ATG10: variants seen among roughly 807,000 people sequenced by gnomAD.
The protein encoded by ATG10 is ubiquitin-like-conjugating enzyme ATG10.
Under a neutral mutation model 32.1 loss-of-function variants are expected in ATG10, and 30 were observed. That is an observed-to-expected ratio of 0.94 (90% CI 0.70 to 1.27). The LOEUF is 1.27. Among genes scored for constraint, ATG10 ranks in the 50% most tolerant of loss-of-function variants. The pLI is 0.00. For missense variants in ATG10, 233 were observed against 262.3 expected, an observed-to-expected ratio of 0.89 and a Z score of 0.77; for synonymous variants, 87 against 91.5, an observed-to-expected ratio of 0.95 and a Z score of 0.28.
intron 4 of ATG10, among the ~76,000 whole-genome samples, chr5:82,174,223 A>G (rs146062535): frequency 6.6e-6 from 1 of 152,334 alleles, no homozygotes; most frequent in East Asian, 1.9e-4. Context: ...AACTGTGACT[A>G]GGCAAACCAG....
intron 3 of ATG10, among the ~76,000 whole-genome samples, chr5:82,160,351 A>C (rs975860303): frequency 2.0e-5 from 3 of 152,126 alleles, no homozygotes; most frequent in African/African-American, 7.2e-5. Flanking sequence ...GTGTATCTCA[A>C]TTGTTTGTTC....
intron 2 of ATG10, among the ~76,000 whole-genome samples, chr5:81,998,467 C>T (rs1157578938): frequency 6.6e-6 from 1 of 152,120 alleles, no homozygotes; most frequent in East Asian, 1.9e-4. Flanking sequence ...CACTATAAAG[C>T]AACCACACAA....
intron 5 of ATG10, among the ~76,000 whole-genome samples, chr5:82,244,089 A>T (rs1746920879): frequency 1.3e-5 from 2 of 152,176 alleles, no homozygotes; most frequent in African/African-American, 2.4e-5. Flanking sequence ...TGTGTGTATA[A>T]AAAGGTCTGA....
intron 2 of ATG10, chr5:81,991,955 TA>T (rs1310841251): frequency 1.3e-5 from 2 of 152,102 alleles, no homozygotes; most frequent in African/African-American, 4.8e-5. Flanking sequence ...GCCTCCTGAG[TA>T]GCTGGGACCA....
At chr5:82,077,779 A>C (rs368376969) in intron 3 of ATG10, among the ~76,000 whole-genome samples, 15 of 152,290 alleles carry the variant, frequency 9.8e-5, no homozygotes, top group African/African-American at 3.6e-4. Flanking sequence ...TTCTGATTTG[A>C]TTGATGCTTT....
intron 2 of ATG10, among the ~76,000 whole-genome samples, chr5:82,000,882 C>T (rs1014578910): frequency 2.6e-5 from 4 of 152,246 alleles, no homozygotes; most frequent in South Asian, 4.2e-4. Context: ...GTCTTGAACT[C>T]GTGACCACAG....
At chr5:82,251,716 TATC>T (rs1747260234) in intron 5 of ATG10, among the ~76,000 whole-genome samples, 1 of 152,200 alleles carries the variant, frequency 6.6e-6, no homozygotes, top group Non-Finnish European at 1.5e-5. Flanking sequence ...TCAATAAATG[TATC>T]ATCAATAATA....
chr5:82,083,217 G>A (rs959917801), intron 3 of ATG10, among the ~76,000 whole-genome samples: 1 of 152,192 alleles, frequency 6.6e-6, no homozygotes, highest in Non-Finnish European at 1.5e-5. Context: ...CCACCCCTAC[G>A]GAGCCTCACT....
At chr5:81,990,442 CTG>C (rs1353403911) in intron 2 of ATG10, among the ~76,000 whole-genome samples, 1 of 152,110 alleles carries the variant, frequency 6.6e-6, no homozygotes, top group Non-Finnish European at 1.5e-5. Context: ...GGAGCTGGGA[CTG>C]TGTATGCATT....
intron 2 of ATG10, among the ~76,000 whole-genome samples, chr5:82,056,858 C>G (rs746629995): frequency 1.3e-5 from 2 of 152,170 alleles, no homozygotes; most frequent in African/African-American, 2.4e-5. Flanking sequence ...GCAATGACAA[C>G]AGTCATTACA....
intron 3 of ATG10, among the ~76,000 whole-genome samples, chr5:82,060,313 G>T (rs1202030416): frequency 6.6e-6 from 1 of 152,042 alleles, no homozygotes; most frequent in African/African-American, 2.4e-5. Flanking sequence ...TTTATTATAT[G>T]TTGATCCCTC....
intron 3 of ATG10, chr5:82,078,368 A>T (rs932904922): frequency 1.3e-5 from 2 of 152,218 alleles, no homozygotes; most frequent in Non-Finnish European, 2.9e-5. Context: ...TGACTGCTGT[A>T]ACACTCCTAT....
At chr5:82,013,601 T>G (rs1334516498) in intron 2 of ATG10, among the ~76,000 whole-genome samples, 1 of 152,218 alleles carries the variant, frequency 6.6e-6, no homozygotes, top group African/African-American at 2.4e-5. Context: ...ATAGTGGTTG[T>G]ACTATCTTAA....
chr5:82,113,012 T>G (rs1193066388), intron 3 of ATG10, among the ~76,000 whole-genome samples: 1 of 151,958 alleles, frequency 6.6e-6, no homozygotes, highest in African/African-American at 2.4e-5. Context: ...ATGATTTCCA[T>G]TTGAGAAGTA....
At chr5:82,134,879 T>A (rs1440220940) in intron 3 of ATG10, among the ~76,000 whole-genome samples, 1 of 125,050 alleles carries the variant, frequency 8.0e-6, no homozygotes, top group Admixed American at 8.3e-5. Context: ...TGATAGGCTA[T>A]TAATTACTGC....
At chr5:82,037,286 C>T (rs868248743) in intron 2 of ATG10, among the ~76,000 whole-genome samples, 6 of 93,788 alleles carry the variant, frequency 6.4e-5, no homozygotes, top group Admixed American at 3.1e-4. Flanking sequence ...CTCGCTCTGT[C>T]GCCCAGGCTG....
chr5:82,191,015 T>C (rs970868851), intron 5 of ATG10, among the ~76,000 whole-genome samples: 7 of 152,196 alleles, frequency 4.6e-5, no homozygotes, highest in Non-Finnish European at 8.8e-5. Flanking sequence ...AAAGGTTTTG[T>C]TAGATATTCC....
At chr5:81,980,980 C>T (rs1017966599) in intron 1 of ATG10, among the ~76,000 whole-genome samples, 2 of 152,174 alleles carry the variant, frequency 1.3e-5, no homozygotes, top group African/African-American at 2.4e-5. Flanking sequence ...TCATTTCCAG[C>T]CAGGTACAGT....
intron 2 of ATG10, among the ~76,000 whole-genome samples, chr5:81,988,750 C>T (rs1166718665): frequency 1.3e-5 from 2 of 151,922 alleles, no homozygotes; most frequent in Non-Finnish European, 2.9e-5. Flanking sequence ...ATTTTTTTCT[C>T]TTGGTTCGAT....
Sources: allele counts gnomAD v4.1 joint callset (sites outside exome capture counted in the v4.1 genomes callset), GRCh38; gene constraint gnomAD v4.1.1; transcripts MANE v1.5; gene names NCBI Gene and HGNC (gene_info 2026-07-23, HGNC 2026-07-21).